SYT6: variants seen among roughly 807,000 people sequenced by gnomAD.
SYT6 encodes the protein synaptotagmin-6.
Under a neutral mutation model 38.4 loss-of-function variants are expected in SYT6, and 24 were observed. The ratio of observed to expected loss-of-function variants is 0.62; its 90% CI spans 0.45 to 0.88. SYT6 has a LOEUF of 0.88. SYT6 is among the 40% of genes least tolerant of loss of function. The probability of loss-of-function intolerance (pLI) is 0.00; values close to 1 mark genes in which losing one functional copy is unlikely to be tolerated. For synonymous variants in SYT6, 265 were observed against 241.9 expected (o/e 1.10, Z -0.89); for missense variants, 611 against 621.0 (o/e 0.98, Z 0.17).
intron 3 of SYT6, among the ~76,000 whole-genome samples, chr1:114,116,195 G>A (rs140324235): frequency 2.8e-4 from 43 of 152,286 alleles, no homozygotes; most frequent in African/African-American, 9.9e-4. Flanking sequence ...GCCTCAGCCC[G>A]TCATTTCTCA....
chr1:114,099,387 G>T, intron 4 of SYT6, 122 bp from the exon 5 acceptor site: 1 of 1,013,468 alleles, frequency 9.9e-7, no homozygotes, highest in Admixed American at 2.8e-5. Context: ...GTATCAGTGG[G>T]TTGTTAAAAT....
At chr1:114,153,380 G>A (rs1227346937) in intron 1 of SYT6, among the ~76,000 whole-genome samples, 4 of 152,246 alleles carry the variant, frequency 2.6e-5, no homozygotes, top group African/African-American at 9.6e-5. Context: ...GCATTCCGCA[G>A]TAGTAATACA....
Position 114,114,315 on chromosome 1 carries a change from T to C in SYT6, c.1072-10594A>G, listed in dbSNP as rs12139126. 8.8e-3 allele frequency among the ~76,000 whole-genome samples: 1,340 copies of C among 152,352 alleles called. 10 individuals carry two copies. Among genetic ancestry groups the C allele is most frequent in the Middle Eastern group, 0.017 (5 of 294 alleles). On this transcript the variant is annotated intron_variant, in intron 3 of 7. Transcript: ENST00000610222. ...TCACCCTAATCTCAACCTCATATTTTACTCACCACTGTATTCTCAGTACTG... is the reference window on the plus strand; with the variant it reads ...TCACCCTAATCTCAACCTCATATTTCACTCACCACTGTATTCTCAGTACTG...
chr1:114,135,528 A>T (rs1364584538), intron 3 of SYT6, among the ~76,000 whole-genome samples: 1 of 146,836 alleles, frequency 6.8e-6, no homozygotes, highest in Non-Finnish European at 1.5e-5. Flanking sequence ...GATGAGGATG[A>T]TGGTGATTTG....
Position 114,139,788 on chromosome 1 carries a change from G to T in SYT6, c.339C>A (p.Gly113=), listed in dbSNP as rs1485467181. ...GGTCCTTCAGCTTGTCCGCCATGTTGCCTCTGAAGCTGGGGCTCTGGAGGG... is the reference window on the plus strand; with the variant it reads ...GGTCCTTCAGCTTGTCCGCCATGTTTCCTCTGAAGCTGGGGCTCTGGAGGG... ...LEALQSPSFR[G]NMADKLKDPS... is the part of the protein sequence containing the mutation. The change falls in exon 2 of 8, where the codon GGC becomes GGA. Residue 113 remains glycine, a synonymous_variant. Coordinates refer to ENST00000610222, the MANE Select transcript of SYT6 (RefSeq NM_001253772.2). The T allele has an allele frequency of 1.9e-6, 3 of 1,611,770 alleles. No homozygotes were observed. The highest frequency in any genetic ancestry group is 2.2e-5 in the East Asian group (1 of 44,866).
intron 3 of SYT6, among the ~76,000 whole-genome samples, chr1:114,112,947 C>T (rs951950767): frequency 1.3e-5 from 2 of 152,136 alleles, no homozygotes; most frequent in African/African-American, 4.8e-5. Context: ...ATACCTTGGT[C>T]CTGGTTTCCT....
At position 114,139,737 on chromosome 1, in the gene SYT6, C is replaced by T. The variant is rs769049879; in HGVS notation, c.390G>A (p.Ala130=). Reference sequence around the variant, plus strand: ...GGGACGTGTGGCTGATCTTCACGGCCGCCTCCAGGAAGCCCAGGGTGCTGG... The same window carrying T: ...GGGACGTGTGGCTGATCTTCACGGCTGCCTCCAGGAAGCCCAGGGTGCTGG... ...KDPSTLGFLE[A]AVKISHTSPD... The change falls in exon 2 of 8, where the codon GCG becomes GCA. Residue 130 remains alanine (A), a synonymous_variant. Coordinates refer to ENST00000610222, the MANE Select transcript of SYT6 (RefSeq NM_001253772.2). The T allele has an allele frequency of 1.5e-5, 25 of 1,614,020 alleles. No individual in the cohort carries two copies. Among genetic ancestry groups the T allele is most frequent in the East Asian group, 4.5e-5 (2 of 44,886 alleles).
chr1:114,138,082 A>C, intron 2 of SYT6, 29 bp from the exon 3 acceptor site: 1 of 1,597,236 alleles, frequency 6.3e-7, no homozygotes, highest in African/African-American at 1.3e-5. Context: ...GGGCAGAGGG[A>C]GTGTGGTCAG....
intron 3 of SYT6, among the ~76,000 whole-genome samples, chr1:114,125,169 G>A (rs1012419577): frequency 6.6e-6 from 1 of 152,224 alleles, no homozygotes; most frequent in Non-Finnish European, 1.5e-5. Flanking sequence ...ACCCATGGTC[G>A]AGGATGTTGG....
intron 4 of SYT6, among the ~76,000 whole-genome samples, chr1:114,100,710 G>A (rs929092718): frequency 1.3e-5 from 2 of 152,192 alleles, no homozygotes; most frequent in African/African-American, 4.8e-5. Context: ...TTTGAGAACC[G>A]GCATGAGGCT....
intron 4 of SYT6, among the ~76,000 whole-genome samples, chr1:114,100,311 CTG>C (rs989031495): frequency 8.5e-5 from 13 of 152,176 alleles, no homozygotes; most frequent in African/African-American, 3.1e-4. Context: ...GCCAGGGCTC[CTG>C]TGAATCTGTC....
chr1:114,148,668 CATTTATTT>C (rs67439650), intron 1 of SYT6, among the ~76,000 whole-genome samples: 338 of 150,660 alleles, frequency 2.2e-3, no homozygotes, highest in African/African-American at 5.6e-3. Context: ...CTAATAATAT[CATTTATTT>C]ATTTATTTAT....
intron 3 of SYT6, among the ~76,000 whole-genome samples, chr1:114,114,807 A>G (rs1676896142): frequency 6.6e-6 from 1 of 152,234 alleles, no homozygotes; most frequent in East Asian, 1.9e-4. Flanking sequence ...GAAGTCATTA[A>G]ATATCAGAGC....
chr1:114,133,265 C>G (rs1391514305), intron 3 of SYT6, among the ~76,000 whole-genome samples: 1 of 152,112 alleles, frequency 6.6e-6, no homozygotes, highest in African/African-American at 2.4e-5. Flanking sequence ...TTAGCATTAC[C>G]AAGCACAGCA....
At chr1:114,100,679 C>T (rs1316958554) in intron 4 of SYT6, among the ~76,000 whole-genome samples, 1 of 152,190 alleles carries the variant, frequency 6.6e-6, no homozygotes, top group Non-Finnish European at 1.5e-5. Flanking sequence ...TAGGGATTTT[C>T]AGTAAAATGG....
chr1:114,145,758 T>C (rs894119018), intron 1 of SYT6, among the ~76,000 whole-genome samples: 1 of 152,182 alleles, frequency 6.6e-6, no homozygotes, highest in Non-Finnish European at 1.5e-5. Flanking sequence ...CCTTTGATCA[T>C]ACATCTTACT....
Position 114,103,161 on chromosome 1 carries a change from A to G in SYT6, c.1192+440T>C, listed in dbSNP as rs143048044. ...CACAGAATTGCTGCCATAAGCCTGC[A>G]TAGACCGGCAAACATTTACACACTC... On this transcript the variant is annotated intron_variant, in intron 4 of 7. Transcript: ENST00000610222. Among the ~76,000 whole-genome samples, 7 of 152,372 alleles carry G rather than the reference A, an allele frequency of 4.6e-5. No individual in the cohort carries two copies. In the East Asian group the frequency reaches 1.2e-3, roughly 25 times the overall value.
chr1:114,116,036 G>A (rs1460893077), intron 3 of SYT6, among the ~76,000 whole-genome samples: 1 of 143,362 alleles, frequency 7.0e-6, no homozygotes, highest in East Asian at 2.0e-4. Flanking sequence ...AAGCATGAGA[G>A]AGAAAGCTCT....
chr1:114,091,876 G>A lies in SYT6; in HGVS notation c.*258C>T. The A allele has an allele frequency of 2.6e-6, 2 of 763,758 alleles. No homozygotes were observed. The highest frequency in any genetic ancestry group is 4.2e-6 in the Non-Finnish European group (2 of 472,322). 47.3% of individuals were successfully genotyped at this position (763,758 alleles called of 1,614,324 possible). A position where few individuals can be genotyped will look rare whatever the true frequency, so the allele number is the denominator to read the frequency against. ...AAGTGTCTCAGCTTTGACCTACACA[G>A]GAGCAGGTAAGACTCTGGAGTGACG... is the stretch of plus-strand genomic sequence containing the variant. On this transcript the variant is annotated 3_prime_UTR_variant, in exon 8 of 8. Coordinates refer to ENST00000610222, the MANE Select transcript of SYT6 (RefSeq NM_001253772.2).
Sources: gnomAD v4.1 joint callset for allele counts (sites outside exome capture counted in the v4.1 genomes callset) on GRCh38, gnomAD v4.1.1 for gene constraint, MANE v1.5 for transcripts, NCBI Gene and HGNC (gene_info 2026-07-23, HGNC 2026-07-21) for gene names.